SUZ12: variants seen among roughly 807,000 people sequenced by gnomAD.
The protein encoded by SUZ12 is polycomb protein SUZ12.
SUZ12 carries 17 observed loss-of-function variants against 87.3 expected under a neutral mutation model. The observed-to-expected ratio is 0.19, with a 90% confidence interval of 0.13 to 0.29. SUZ12 has a LOEUF of 0.29. SUZ12 is among the 10% of genes least tolerant of loss of function. The pLI is 1.00. For synonymous variants in SUZ12, 253 were observed against 312.4 expected, an observed-to-expected ratio of 0.81 and a Z score of 2.01; for missense variants, 526 against 912.2, an observed-to-expected ratio of 0.58 and a Z score of 5.45.
chr17:31,975,402 T>G, intron 6 of SUZ12, 80 bp from the exon 7 acceptor site: 1 of 991,058 alleles, frequency 1.0e-6, no homozygotes, highest in Non-Finnish European at 1.4e-6. Flanking sequence ...GTGTTTCCTA[T>G]AGCTGTGATT....
chr17:31,959,705 C>G (rs1394715971), intron 4 of SUZ12, among the ~76,000 whole-genome samples: 1 of 152,182 alleles, frequency 6.6e-6, no homozygotes, highest in Non-Finnish European at 1.5e-5. Context: ...TTGGTCTCCT[C>G]TTGTCATAAA....
chr17:31,948,365 A>G (rs887801901), intron 4 of SUZ12, among the ~76,000 whole-genome samples: 1 of 152,188 alleles, frequency 6.6e-6, no homozygotes, highest in Non-Finnish European at 1.5e-5. Context: ...AAAATTGAAT[A>G]TTCTAAGGAG....
intron 5 of SUZ12, among the ~76,000 whole-genome samples, chr17:31,971,805 A>C (rs547807400): frequency 3.3e-5 from 5 of 152,128 alleles, no homozygotes; most frequent in Non-Finnish European, 7.3e-5. Context: ...TTTGACTAGC[A>C]GTGTATTATC....
In SUZ12 at chr17:31,976,505, T is replaced by A. The variant is rs1269285731; in HGVS notation, c.824-16T>A. 1.2e-6 allele frequency: 2 copies of A among 1,601,360 alleles called. No homozygotes were observed. The highest frequency in any genetic ancestry group is 3.4e-5 in the Admixed American group (2 of 59,294). ...GTTCTAATATTTGATTTATGAGAAA[T>A]GTTTGTTAAATTTAGATGTCAATGA... On this transcript the variant is annotated splice_polypyrimidine_tract_variant and intron_variant, in intron 7 of 15. Transcript: ENST00000322652.
In SUZ12 at chr17:31,996,933, G is replaced by A. The variant is rs541229697; in HGVS notation, c.1874+56G>A. The stretch of plus-strand genomic sequence containing the variant: ...TTATTATTCTTTATGGTCTTTTGCT[G>A]TTTCACATTCTAGAAATCTTACGTG... On this transcript the variant is annotated intron_variant, in intron 15 of 15. Transcript: ENST00000322652. 1,466 of 1,071,770 alleles carry A rather than the reference G, an allele frequency of 1.4e-3. 3 individuals carry two copies. The highest frequency in any genetic ancestry group is 1.9e-3 in the Middle Eastern group (6 of 3,132). The allele number at this position is 1,071,770 out of a possible 1,614,324, so 66.4% of individuals were successfully genotyped here.
At chr17:31,940,588 C>T in intron 3 of SUZ12, 102 bp downstream of exon 3, 2 of 1,463,398 alleles carry the variant, frequency 1.4e-6, no homozygotes, top group African/African-American at 1.4e-5. Flanking sequence ...AAAATAAGTA[C>T]TATTTCTAAC....
intron 4 of SUZ12, among the ~76,000 whole-genome samples, chr17:31,965,374 G>A (rs547320452): frequency 2.6e-5 from 4 of 152,152 alleles, no homozygotes; most frequent in African/African-American, 9.6e-5. Flanking sequence ...CAGTTTAAAG[G>A]TACTTCAAAA....
At chr17:31,995,821 G>A in intron 14 of SUZ12, 59 bp downstream of exon 14, 1 of 1,315,286 alleles carries the variant, frequency 7.6e-7, no homozygotes, top group Non-Finnish European at 1.1e-6. Context: ...TTTGAAAATT[G>A]CTTACTATGA....
At chr17:31,982,755 T>C (rs1349709785) in intron 8 of SUZ12, among the ~76,000 whole-genome samples, 2 of 152,222 alleles carry the variant, frequency 1.3e-5, no homozygotes, top group African/African-American at 4.8e-5. Flanking sequence ...TATTATACTT[T>C]ACATGTTTAG....
At chr17:31,990,301 G>T (rs1598186442) in intron 10 of SUZ12, among the ~76,000 whole-genome samples, 1 of 151,370 alleles carries the variant, frequency 6.6e-6, no homozygotes, top group African/African-American at 2.4e-5. Flanking sequence ...TAGTAGAGAT[G>T]GGGTTTCACC....
At chr17:31,990,386 C>T (rs535151) in intron 10 of SUZ12, among the ~76,000 whole-genome samples, 36,682 of 150,224 alleles carry the variant, frequency 0.24, 6,078 homozygotes, top group African/African-American at 0.47. Flanking sequence ...CTGAGAATTA[C>T]AGGTGTGAGC....
Position 31,988,357 on chromosome 17 carries a change from C to A in SUZ12, c.1061C>A (p.Thr354Lys). The A allele has an allele frequency of 1.2e-6, 2 of 1,601,916 alleles. No homozygotes were observed. Among genetic ancestry groups the A allele is most frequent in the Non-Finnish European group, 8.5e-7 (1 of 1,176,066 alleles). Reference protein sequence around the residue: ...PPFETFSQGPTLQFTLRWTGE... With the variant: ...PPFETFSQGPKLQFTLRWTGE... ...TTCGAAACATTTTCTCAGGGACCTA[C>A]GTTGCAGTTCACTCTTCGTTGGACA... Residue 354 changes from threonine to lysine, a missense_variant, in exon 10 of 16, where the codon ACG (threonine) becomes AAG (lysine). Thr to Lys is a moderately conservative substitution (Grantham distance 78, BLOSUM62 -1). This residue lies in a region of SUZ12 where 85 missense variants were observed against 87.4 expected (regional missense o/e 0.97). Transcript: ENST00000322652.
At chr17:31,966,249 G>A (rs963764726) in intron 5 of SUZ12, 53 bp downstream of exon 5, 1 of 1,440,118 alleles carries the variant, frequency 6.9e-7, no homozygotes, top group African/African-American at 1.4e-5. Flanking sequence ...ATACCTTTGT[G>A]AATGTAAAAA....
chr17:31,938,603 A>G (rs1031094855), intron 1 of SUZ12, among the ~76,000 whole-genome samples: 17 of 152,238 alleles, frequency 1.1e-4, no homozygotes, highest in African/African-American at 3.6e-4. Flanking sequence ...AGAGATTCAC[A>G]TTATTCACGT....
rs1345163544 is a variant in SUZ12, at chr17:31,937,127, C to T, written c.-120C>T. On this transcript the variant is annotated 5_prime_UTR_variant, in exon 1 of 16. Transcript: ENST00000322652. ...CCCTTCCCTTCCCCTCTCCTCCCCTCTCTCCTCCTTCCCCCCTCGGTCCGC... is the reference window on the plus strand; with the variant it reads ...CCCTTCCCTTCCCCTCTCCTCCCCTTTCTCCTCCTTCCCCCCTCGGTCCGC... 2.3e-6 allele frequency: 2 copies of T among 870,406 alleles called. No homozygotes were observed. The highest frequency in any genetic ancestry group is 3.2e-6 in the Non-Finnish European group (2 of 629,046). The allele number at this position is 870,406 out of a possible 1,614,324, so 53.9% of individuals were successfully genotyped here.
Position 31,994,698 on chromosome 17 carries a change from T to C in SUZ12, c.1572T>C (p.Pro524=). The change falls in exon 13 of 16, where the codon CCT becomes CCC. Residue 524 remains proline, a synonymous_variant. Transcript: ENST00000322652. ...GCAACGGACCAGTTAAGAGAACACC[T>C]ATCACACATATTCTTGTGTGCAGGT... ...FSRNGPVKRT[P]ITHILVCRPK... 1 of 1,613,942 alleles carries C rather than the reference T, an allele frequency of 6.2e-7. No homozygotes were observed. The highest frequency in any genetic ancestry group is 8.5e-7 in the Non-Finnish European group (1 of 1,179,944).
chr17:31,949,705 T>TG (rs1906844109), intron 4 of SUZ12, among the ~76,000 whole-genome samples: 4 of 96,504 alleles, frequency 4.1e-5, no homozygotes, highest in African/African-American at 1.7e-4. Context: ...TTTTTTTTTT[T>TG]GAGACCAAGT....
chr17:31,996,620 A>G (rs1260940600), intron 14 of SUZ12, among the ~76,000 whole-genome samples, 178 bp from the exon 15 acceptor site: 1 of 149,754 alleles, frequency 6.7e-6, no homozygotes, highest in Non-Finnish European at 1.5e-5. Context: ...CTCTGTCTCT[A>G]ACTAAATAAA....
intron 15 of SUZ12, 55 bp from the exon 16 acceptor site, chr17:31,998,603 T>TG: frequency 7.8e-7 from 1 of 1,279,076 alleles, no homozygotes; most frequent in Non-Finnish European, 1.1e-6. Context: ...TTATCACTGT[T>TG]GCATTTGACA....
Sources: allele counts gnomAD v4.1 joint callset (sites outside exome capture counted in the v4.1 genomes callset), GRCh38; gene constraint gnomAD v4.1.1; regional missense constraint gnomAD v4.1.1; transcripts MANE v1.5; gene names NCBI Gene and HGNC (gene_info 2026-07-23, HGNC 2026-07-21).